The following EEFSEC variants were observed in gnomAD, a reference collection of about 807,000 sequenced individuals.
EEFSEC encodes the protein eukaryotic elongation factor, selenocysteine-tRNA specific.
Under a neutral mutation model 42.1 loss-of-function variants are expected in EEFSEC, and 43 were observed. The ratio of observed to expected loss-of-function variants is 1.02; its 90% CI spans 0.80 to 1.32. The LOEUF is 1.32. Among genes scored for constraint, EEFSEC ranks in the 40% most tolerant of loss-of-function variants. The pLI, the probability that EEFSEC is intolerant of heterozygous loss-of-function variation, is 0.00. For missense variants in EEFSEC, 745 were observed against 803.6 expected (o/e 0.93, Z 0.88); for synonymous variants, 354 against 339.1 (o/e 1.04, Z -0.48).
At chr3:128,396,917 G>C (rs75566401) in intron 6 of EEFSEC, among the ~76,000 whole-genome samples, 2,258 of 152,322 alleles carry the variant, frequency 0.015, 51 homozygotes, top group African/African-American at 0.051. Context: ...GGTCTTTTCT[G>C]TGTCAGGCCC....
At chr3:128,160,331 T>G (rs1256747995) in intron 1 of EEFSEC, among the ~76,000 whole-genome samples, 1 of 152,260 alleles carries the variant, frequency 6.6e-6, no homozygotes, top group East Asian at 1.9e-4. Flanking sequence ...CATGCCATTG[T>G]GTCTCAACAT....
chr3:128,399,598 C>G (rs1477851674), intron 6 of EEFSEC, among the ~76,000 whole-genome samples: 2 of 152,094 alleles, frequency 1.3e-5, no homozygotes, highest in Non-Finnish European at 2.9e-5. Context: ...CGGCCCCCCC[C>G]AGCCAGCGAC....
chr3:128,163,452 G>A (rs2065211362), intron 1 of EEFSEC, among the ~76,000 whole-genome samples: 1 of 151,992 alleles, frequency 6.6e-6, no homozygotes, highest in African/African-American at 2.4e-5. Flanking sequence ...CCAGAGCCTG[G>A]CATACAGCAG....
chr3:128,425,413 A>G, the EEFSEC span, among the ~76,000 whole-genome samples: 1 of 151,894 alleles, frequency 6.6e-6, no homozygotes, highest in Non-Finnish European at 1.5e-5. Flanking sequence ...GCGGAAGGAC[A>G]CTCGGGCTGC....
At chr3:128,159,527 T>C (rs2107758366) in intron 1 of EEFSEC, among the ~76,000 whole-genome samples, 1 of 152,328 alleles carries the variant, frequency 6.6e-6, no homozygotes, top group African/African-American at 2.4e-5. Flanking sequence ...TTGACAAGAC[T>C]TTCCAGTGAG....
At chr3:128,194,415 G>T (rs950680233) in intron 1 of EEFSEC, among the ~76,000 whole-genome samples, 1 of 152,206 alleles carries the variant, frequency 6.6e-6, no homozygotes, top group Non-Finnish European at 1.5e-5. Flanking sequence ...TGCAGCAGTG[G>T]CTGGATGGGA....
intron 5 of EEFSEC, among the ~76,000 whole-genome samples, chr3:128,350,368 T>C (rs2107578099): frequency 6.6e-6 from 1 of 152,300 alleles, no homozygotes; most frequent in East Asian, 1.9e-4. Flanking sequence ...CAGGAAGCCA[T>C]GCTGTGGTCT....
chr3:128,253,311 G>A (rs891022430), intron 2 of EEFSEC, among the ~76,000 whole-genome samples: 7 of 152,182 alleles, frequency 4.6e-5, no homozygotes, highest in African/African-American at 9.7e-5. Flanking sequence ...TCTTGGCTCC[G>A]TCAGCTCTGC....
intron 4 of EEFSEC, among the ~76,000 whole-genome samples, chr3:128,324,655 C>T (rs2067044787): frequency 6.6e-6 from 1 of 152,210 alleles, no homozygotes; most frequent in Non-Finnish European, 1.5e-5. Context: ...CAGAAGAGTG[C>T]ACTTTCTACC....
chr3:128,327,848 T>C (rs926246988), intron 4 of EEFSEC, among the ~76,000 whole-genome samples: 32 of 152,226 alleles, frequency 2.1e-4, no homozygotes, highest in African/African-American at 7.2e-4. Context: ...GCGGCTGCTA[T>C]GGGTGTCTGA....
At chr3:128,257,731 G>A (rs1322729068) in intron 2 of EEFSEC, among the ~76,000 whole-genome samples, 4 of 152,084 alleles carry the variant, frequency 2.6e-5, no homozygotes, top group South Asian at 4.1e-4. Context: ...AGCTTATAAC[G>A]GGCATTACCA....
intron 6 of EEFSEC, among the ~76,000 whole-genome samples, chr3:128,359,445 A>G (rs2107590665): frequency 6.6e-6 from 1 of 152,092 alleles, no homozygotes; most frequent in African/African-American, 2.4e-5. Flanking sequence ...TGGTGATGCA[A>G]TCAAGGCTCA....
chr3:128,338,743 A>T (rs532766195), intron 4 of EEFSEC, among the ~76,000 whole-genome samples: 1 of 152,280 alleles, frequency 6.6e-6, no homozygotes, highest in South Asian at 2.1e-4. Context: ...TGGCTGAGCT[A>T]AGGAGTGGGG....
At chr3:128,392,512 G>C (rs755243728) in intron 6 of EEFSEC, among the ~76,000 whole-genome samples, 5 of 152,236 alleles carry the variant, frequency 3.3e-5, no homozygotes, top group Non-Finnish European at 7.3e-5. Context: ...CCATCCACCT[G>C]TATTCTGGAC....
Position 128,408,399 on chromosome 3 carries a change from CT to C in EEFSEC, c.*141del, listed in dbSNP as rs1349727063. Reference sequence around the variant, plus strand: ...GCAGCCCCCACCCCCAAGCTTGGTGCTGAGCCCTGGTGAGGAGCTGAGGGGG... The same window carrying C: ...GCAGCCCCCACCCCCAAGCTTGGTGCGAGCCCTGGTGAGGAGCTGAGGGGG... On this transcript the variant is annotated 3_prime_UTR_variant, in exon 7 of 7. Coordinates refer to ENST00000254730, the MANE Select transcript of EEFSEC (RefSeq NM_021937.5). 1.0e-6 allele frequency: 1 copy of C among 961,990 alleles called. No individual in the cohort carries two copies. The allele number at this position is 961,990 out of a possible 1,614,324, so 59.6% of individuals were successfully genotyped here.
intron 2 of EEFSEC, among the ~76,000 whole-genome samples, chr3:128,251,057 G>A (rs1343369276): frequency 6.6e-6 from 1 of 151,894 alleles, no homozygotes; most frequent in African/African-American, 2.4e-5. Flanking sequence ...TTCATTGCTG[G>A]TGGATAGAAA....
chr3:128,355,274 G>A (rs1343388980), intron 5 of EEFSEC, among the ~76,000 whole-genome samples: 1 of 152,158 alleles, frequency 6.6e-6, no homozygotes, highest in Non-Finnish European at 1.5e-5. Context: ...TCAGAACAGA[G>A]GGATCTTGGC....
rs371980754 is a variant in EEFSEC at position 128,367,919 on chromosome 3, C to T, written c.1600+9546C>T. ...CTGCTGAAAAGCTGCCTCCTGCGAT[C>T]ACTTGCCTAATGGTTCTTCCTCCCA... On this transcript the variant is annotated intron_variant, in intron 6 of 6. Coordinates refer to ENST00000254730, the MANE Select transcript of EEFSEC (RefSeq NM_021937.5). The T allele has an allele frequency of 1.1e-4, 98 of 888,444 alleles. No individual in the cohort carries two copies. The African/African-American group carries it at 1.6e-3, about 15-fold the overall frequency. The allele number at this position is 888,444 out of a possible 1,614,324, so 55.0% of individuals were successfully genotyped here.
chr3:128,332,600 C>T (rs1221693192), intron 4 of EEFSEC, among the ~76,000 whole-genome samples: 2 of 152,174 alleles, frequency 1.3e-5, no homozygotes, highest in South Asian at 2.1e-4. Context: ...TACAGGCACC[C>T]GCCATAATGC....
Sources: gnomAD v4.1 joint callset for allele counts (sites outside exome capture counted in the v4.1 genomes callset) on GRCh38, gnomAD v4.1.1 for gene constraint, MANE v1.5 for transcripts, NCBI Gene and HGNC (gene_info 2026-07-23, HGNC 2026-07-21) for gene names.